The following ARHGAP24 variants were observed in gnomAD, a reference collection of about 807,000 sequenced individuals.
ARHGAP24 encodes rho GTPase-activating protein 24.
ARHGAP24 carries 50 observed loss-of-function variants against 76.4 expected under a neutral mutation model. The ratio of observed to expected loss-of-function variants is 0.65; its 90% CI spans 0.52 to 0.83. The LOEUF (loss-of-function observed/expected upper bound fraction) is 0.83, where lower values mean the gene tolerates loss of function less well. ARHGAP24 is among the 40% of genes least tolerant of loss of function. ARHGAP24 has a pLI of 0.00. For synonymous variants in ARHGAP24, 345 were observed against 323.3 expected, an observed-to-expected ratio of 1.07 and a Z score of -0.72; for missense variants, 930 against 914.2, an observed-to-expected ratio of 1.02 and a Z score of -0.22.
chr4:85,803,399 T>A (rs995192698), intron 3 of ARHGAP24, among the ~76,000 whole-genome samples: 1 of 152,236 alleles, frequency 6.6e-6, no homozygotes, highest in Non-Finnish European at 1.5e-5. Context: ...CTGTCTAAGA[T>A]GGATCCCTTC....
intron 3 of ARHGAP24, among the ~76,000 whole-genome samples, chr4:85,749,717 C>T (rs1198895357): frequency 6.6e-6 from 1 of 152,150 alleles, no homozygotes; most frequent in East Asian, 1.9e-4. Flanking sequence ...AGGCACCTGC[C>T]ACCACGCCTG....
chr4:85,744,000 T>A (rs544882832), intron 3 of ARHGAP24, among the ~76,000 whole-genome samples: 1 of 152,272 alleles, frequency 6.6e-6, no homozygotes, highest in South Asian at 2.1e-4. Context: ...CCAAGAGCTA[T>A]GGAATTATTG....
intron 2 of ARHGAP24, among the ~76,000 whole-genome samples, chr4:85,627,462 G>C (rs1008210534): frequency 6.6e-6 from 1 of 152,152 alleles, no homozygotes; most frequent in African/African-American, 2.4e-5. Flanking sequence ...ACCCGGCCGT[G>C]TGAGGTGTCA....
At chr4:85,632,275 A>G (rs1426588822) in intron 2 of ARHGAP24, among the ~76,000 whole-genome samples, 1 of 152,064 alleles carries the variant, frequency 6.6e-6, no homozygotes, top group African/African-American at 2.4e-5. Flanking sequence ...AAAGAATGAA[A>G]AATATATATT....
At chr4:86,000,457 C>T in intron 9 of ARHGAP24, 22 bp from the exon 10 acceptor site, 2 of 667,034 alleles carry the variant, frequency 3.0e-6, no homozygotes, top group Non-Finnish European at 4.7e-6. Flanking sequence ...CCACCCCCCA[C>T]CCCCCCCAAC....
intron 3 of ARHGAP24, among the ~76,000 whole-genome samples, chr4:85,784,953 A>G (rs151241189): frequency 2.0e-4 from 22 of 111,012 alleles, no homozygotes; most frequent in Non-Finnish European, 3.1e-4. Context: ...CTATCTATCT[A>G]TCTATCTCTC....
At chr4:85,838,524 A>G (rs966836722) in intron 3 of ARHGAP24, among the ~76,000 whole-genome samples, 1 of 152,190 alleles carries the variant, frequency 6.6e-6, no homozygotes, top group Non-Finnish European at 1.5e-5. Flanking sequence ...GTGTGAACCC[A>G]GGAGGCGGAG....
chr4:85,751,100 TTATG>T (rs1184117048), intron 3 of ARHGAP24, among the ~76,000 whole-genome samples: 5 of 152,236 alleles, frequency 3.3e-5, no homozygotes, highest in African/African-American at 9.6e-5. Context: ...TGCACATTAT[TTATG>T]TGTTTATTTA....
intron 1 of ARHGAP24, among the ~76,000 whole-genome samples, chr4:85,521,936 G>C (rs951274916): frequency 1.3e-5 from 2 of 152,110 alleles, no homozygotes; most frequent in Non-Finnish European, 2.9e-5. Flanking sequence ...AAAAGCTAAA[G>C]ATCAAATTAT....
At chr4:85,694,164 T>C (rs1340222556) in intron 2 of ARHGAP24, among the ~76,000 whole-genome samples, 3 of 152,150 alleles carry the variant, frequency 2.0e-5, no homozygotes, top group Non-Finnish European at 2.9e-5. Context: ...TGTTGTTTAC[T>C]CAAAATTTTG....
intron 3 of ARHGAP24, among the ~76,000 whole-genome samples, chr4:85,749,644 C>T (rs891226655): frequency 6.6e-5 from 10 of 152,150 alleles, no homozygotes; most frequent in African/African-American, 2.2e-4. Context: ...CAGTCTTGGC[C>T]CACTGCAACC....
intron 2 of ARHGAP24, among the ~76,000 whole-genome samples, chr4:85,593,877 C>G (rs573917096): frequency 3.4e-4 from 52 of 152,184 alleles, no homozygotes; most frequent in African/African-American, 1.2e-3. Context: ...AATTTGAAGT[C>G]AGGTTATGTG....
intron 2 of ARHGAP24, among the ~76,000 whole-genome samples, chr4:85,593,815 T>C (rs540580914): frequency 2.0e-5 from 3 of 152,308 alleles, no homozygotes; most frequent in African/African-American, 4.8e-5. Context: ...GGTCTATATG[T>C]CTGCTTTTAT....
At chr4:85,917,586 C>T (rs1330894399) in intron 3 of ARHGAP24, among the ~76,000 whole-genome samples, 1 of 152,110 alleles carries the variant, frequency 6.6e-6, no homozygotes, top group Non-Finnish European at 1.5e-5. Context: ...TGTTTCCTGA[C>T]TTTTTAATGA....
intron 8 of ARHGAP24, among the ~76,000 whole-genome samples, chr4:85,982,185 GT>G (rs1289511777): frequency 2.0e-5 from 3 of 151,746 alleles, no homozygotes; most frequent in Non-Finnish European, 4.4e-5. Context: ...AGAAGTCAGT[GT>G]TTTTGTTGTT....
In ARHGAP24 at chr4:85,680,111, C is replaced by T. The variant is rs141394779; in HGVS notation, c.181-41774C>T. Among the ~76,000 whole-genome samples, 655 of 152,228 alleles carry T rather than the reference C, an allele frequency of 4.3e-3. 4 individuals are homozygous for T. The highest frequency in any genetic ancestry group is 0.015 in the African/African-American group (610 of 41,538). ...CCCAGGAAAAGTGCATCATCAACAC[C>T]GCAGTTGATATCATCCAATCACAGT... On this transcript the variant is annotated intron_variant, in intron 2 of 9. Coordinates refer to ENST00000395184, the MANE Select transcript of ARHGAP24 (RefSeq NM_001025616.3).
chr4:85,784,943 CTA>C (rs1560631915), intron 3 of ARHGAP24, among the ~76,000 whole-genome samples: 15 of 150,962 alleles, frequency 9.9e-5, no homozygotes, highest in African/African-American at 2.2e-4. Flanking sequence ...ATCTATCTAT[CTA>C]TCTATCTATC....
rs115033448 is a variant in ARHGAP24, at chr4:85,530,892, G to T, written c.-20-39630G>T. On this transcript the variant is annotated intron_variant, in intron 1 of 9. Coordinates refer to ENST00000395184, the MANE Select transcript of ARHGAP24 (RefSeq NM_001025616.3). ...ATGAGTAAATAAATGTTAAGCTTTA[G>T]GTTTTGCATTTGCATAATGTGCAGG... Among the ~76,000 whole-genome samples, 117 of 152,066 alleles carry T rather than the reference G, an allele frequency of 7.7e-4. 1 individual carries two copies. Among genetic ancestry groups the T allele is most frequent in the African/African-American group, 2.6e-3 (109 of 41,534 alleles).
intron 2 of ARHGAP24, among the ~76,000 whole-genome samples, chr4:85,689,576 A>G (rs570458273): frequency 1.3e-5 from 2 of 152,090 alleles, no homozygotes; most frequent in South Asian, 2.1e-4. Context: ...TTTAGCAGAA[A>G]CGAGGTTTTG....
Sources: allele counts gnomAD v4.1 joint callset (sites outside exome capture counted in the v4.1 genomes callset), GRCh38; gene constraint gnomAD v4.1.1; transcripts MANE v1.5; gene names NCBI Gene and HGNC (gene_info 2026-07-23, HGNC 2026-07-21).